The following CCDC88A variants were observed in gnomAD, a reference collection of about 807,000 sequenced individuals.
CCDC88A encodes coiled-coil and HOOK domain protein 88A.
Under a neutral mutation model 234.3 loss-of-function variants are expected in CCDC88A, and 54 were observed. That is an observed-to-expected ratio of 0.23 (90% CI 0.19 to 0.29). CCDC88A has a LOEUF of 0.29. Ranked by LOEUF, CCDC88A falls within the 10% of genes least tolerant of loss-of-function variation. The pLI is 1.00. For missense variants in CCDC88A, 1,832 were observed against 2,123.4 expected (o/e 0.86, Z 2.70); for synonymous variants, 753 against 737.8 (o/e 1.02, Z -0.33).
intron 17 of CCDC88A, among the ~76,000 whole-genome samples, chr2:55,324,938 G>A (rs927634502): frequency 6.6e-6 from 1 of 152,194 alleles, no homozygotes; most frequent in Non-Finnish European, 1.5e-5. Flanking sequence ...GAGCTACCAT[G>A]CCTGGCCATG....
In CCDC88A at chr2:55,328,435, A is replaced by G; in HGVS notation, c.2856T>C (p.Ser952=). Residue 952 remains serine (S), a splice_region_variant and synonymous_variant, in exon 17 of 33, where the codon AGT becomes AGC. Transcript: ENST00000436346. The surrounding 1 kb of genome is among the most constrained non-coding windows in gnomAD (Gnocchi z 4.3). The part of the protein sequence containing the change: ...LLHDEQSTDD[S]RYKLLESKLE... ...ATTTTGATTCCAAAAGTTTATACCT[A>G]CTATCCAAGTACAAAGTAATGTAGT... 6.5e-7 allele frequency: 1 copy of G among 1,549,942 alleles called. No individual in the cohort carries two copies. Among genetic ancestry groups the G allele is most frequent in the Non-Finnish European group, 8.7e-7 (1 of 1,144,874 alleles).
intron 6 of CCDC88A, 129 bp downstream of exon 6, chr2:55,363,821 A>G (rs1671622850): frequency 1.5e-5 from 8 of 533,898 alleles, no homozygotes; most frequent in South Asian, 5.8e-5. Context: ...TTTGTATAAA[A>G]GCAGGGTCCA....
At chr2:55,294,313 A>G in intron 31 of CCDC88A, 1 of 983,492 alleles carries the variant, frequency 1.0e-6, no homozygotes, top group East Asian at 1.1e-4. Flanking sequence ...AGATGATGAA[A>G]AGTGCAGAGA....
intron 11 of CCDC88A, 120 bp downstream of exon 11, chr2:55,344,248 C>T (rs1668838522): frequency 1.8e-6 from 1 of 548,558 alleles, no homozygotes; most frequent in Non-Finnish European, 3.0e-6. Flanking sequence ...ATTTATTTAG[C>T]TCTCTCTTCT....
At chr2:55,351,871 G>A (rs1244662055) in intron 8 of CCDC88A, among the ~76,000 whole-genome samples, 4 of 152,128 alleles carry the variant, frequency 2.6e-5, no homozygotes, top group Non-Finnish European at 5.9e-5. Flanking sequence ...TATCCATTCA[G>A]TGGAATATTA....
chr2:55,364,008 T>G lies in CCDC88A; in HGVS notation c.428A>C (p.Glu143Ala). ...VQCQKKEEFI[E>A]RIQGLDFDTK... Reference sequence around the variant, plus strand: ...ATCAAAATCTAAACCTTGAATTCTTTCAATAAATTCCTCTTTTTTCTGACA... The same window carrying G: ...ATCAAAATCTAAACCTTGAATTCTTGCAATAAATTCCTCTTTTTTCTGACA... Residue 143 changes from glutamate (E) to alanine (A), a missense_variant, in exon 6 of 33, where the codon GAA (glutamate) becomes GCA (alanine). Physicochemically the swap from Glu to Ala is moderately radical, Grantham distance 107 (BLOSUM62 -1). Coordinates refer to ENST00000436346, the MANE Select transcript of CCDC88A (RefSeq NM_001365480.1). 1.9e-6 allele frequency: 3 copies of G among 1,583,476 alleles called. No homozygotes were observed. The Admixed American group carries it at 5.0e-5, about 27-fold the overall frequency.
intron 32 of CCDC88A, 184 bp downstream of exon 32, chr2:55,291,492 G>A (rs1486090619): frequency 1.3e-5 from 5 of 380,216 alleles, no homozygotes; most frequent in Middle Eastern, 1.3e-3. Flanking sequence ...TGTTCCTTGC[G>A]CTGACAGGTA....
intron 3 of CCDC88A, among the ~76,000 whole-genome samples, chr2:55,378,004 C>T (rs553637616): frequency 1.2e-4 from 19 of 152,234 alleles, no homozygotes; most frequent in African/African-American, 4.1e-4. Context: ...TTTTGACTAA[C>T]GAGTCAAAAT....
intron 29 of CCDC88A, among the ~76,000 whole-genome samples, chr2:55,298,476 C>G (rs1680466774): frequency 6.6e-6 from 1 of 152,062 alleles, no homozygotes; most frequent in Non-Finnish European, 1.5e-5. Flanking sequence ...TTTCAGATCA[C>G]TGTAATAATG....
chr2:55,307,046 A>G (rs1681670135), intron 25 of CCDC88A, among the ~76,000 whole-genome samples: 1 of 145,474 alleles, frequency 6.9e-6, no homozygotes. Flanking sequence ...CTATTTCAAA[A>G]GAATAGAATG....
intron 19 of CCDC88A, 28 bp downstream of exon 19, chr2:55,318,815 G>C (rs1304792590): frequency 9.2e-6 from 14 of 1,522,300 alleles, no homozygotes; most frequent in Non-Finnish European, 1.3e-5. Context: ...GAGTTTGGTT[G>C]CATATTCCCA....
In CCDC88A at chr2:55,419,645, C is replaced by T. The variant is rs1479771841; in HGVS notation, c.-566G>A. 6.5e-6 allele frequency: 1 copy of T among 152,920 alleles called. No homozygotes were observed. The highest frequency in any genetic ancestry group is 1.5e-5 in the Non-Finnish European group (1 of 68,724). 9.5% of individuals were successfully genotyped at this position (152,920 alleles called of 1,614,324 possible). Reference sequence around the variant, plus strand: ...CTCAGTACCAACAGGCAGGGCTCGCCCCTTCCCCCCGAGCAGACACCATTC... The same window carrying T: ...CTCAGTACCAACAGGCAGGGCTCGCTCCTTCCCCCCGAGCAGACACCATTC... On this transcript the variant is annotated 5_prime_UTR_variant, in exon 1 of 33. Coordinates refer to ENST00000436346, the MANE Select transcript of CCDC88A (RefSeq NM_001365480.1).
intron 2 of CCDC88A, among the ~76,000 whole-genome samples, chr2:55,390,412 T>C (rs1388157806): frequency 4.6e-5 from 7 of 152,220 alleles, no homozygotes; most frequent in African/African-American, 1.7e-4. Flanking sequence ...AACTTGATTC[T>C]TTTGTCCCCT....
chr2:55,354,139 G>A (rs1670252082), intron 8 of CCDC88A, among the ~76,000 whole-genome samples: 1 of 131,114 alleles, frequency 7.6e-6, no homozygotes, highest in Non-Finnish European at 1.6e-5. Context: ...GATAAAAAAT[G>A]GTACTTTTTT....
chr2:55,314,098 C>T (rs1461784269), intron 22 of CCDC88A: 1 of 152,194 alleles, frequency 6.6e-6, no homozygotes, highest in African/African-American at 2.4e-5. Context: ...TGCCTGTGGA[C>T]TTCCACTCAG....
At chr2:55,357,355 CT>C (rs1670721552) in intron 7 of CCDC88A, among the ~76,000 whole-genome samples, 1 of 150,260 alleles carries the variant, frequency 6.7e-6, no homozygotes, top group African/African-American at 2.5e-5. Flanking sequence ...TCCCTCCCTC[CT>C]TCCCTCTCTA....
At chr2:55,365,143 A>T (rs1336478451) in intron 5 of CCDC88A, among the ~76,000 whole-genome samples, 3 of 152,184 alleles carry the variant, frequency 2.0e-5, no homozygotes, top group Non-Finnish European at 4.4e-5. Flanking sequence ...GGATAATAAA[A>T]TGGTTAAAAC....
intron 2 of CCDC88A, among the ~76,000 whole-genome samples, chr2:55,410,039 C>T (rs1313661113): frequency 2.0e-5 from 3 of 152,128 alleles, no homozygotes; most frequent in Non-Finnish European, 4.4e-5. Context: ...CCAAGTCTGG[C>T]CTACCTCCCC....
At chr2:55,404,383 T>C (rs1679207785) in intron 2 of CCDC88A, 1 of 152,158 alleles carries the variant, frequency 6.6e-6, no homozygotes, top group Non-Finnish European at 1.5e-5. Flanking sequence ...GAGAGTAGAA[T>C]AAGATTACCA....
Sources: allele counts gnomAD v4.1 joint callset (sites outside exome capture counted in the v4.1 genomes callset), GRCh38; gene constraint gnomAD v4.1.1; non-coding constraint Gnocchi (gnomAD v3.1); transcripts MANE v1.5; gene names NCBI Gene and HGNC (gene_info 2026-07-23, HGNC 2026-07-21).